Variants in ARHGAP42 observed in about 807,000 individuals in gnomAD.
ARHGAP42 encodes rho GTPase-activating protein 42.
ARHGAP42 carries 63 observed loss-of-function variants against 125.0 expected under a neutral mutation model. The observed-to-expected ratio is 0.50, with a 90% CI of 0.41 to 0.62. ARHGAP42 has a LOEUF of 0.62. Ranked by LOEUF, ARHGAP42 falls within the 20% of genes least tolerant of loss-of-function variation. The probability of loss-of-function intolerance (pLI) is 0.00; values close to 1 mark genes in which losing one functional copy is unlikely to be tolerated. For missense variants in ARHGAP42, 766 were observed against 1,024.2 expected (o/e 0.75, Z 3.44); for synonymous variants, 339 against 351.0 (o/e 0.97, Z 0.38).
intron 4 of ARHGAP42, among the ~76,000 whole-genome samples, chr11:100,890,485 C>T (rs920481715): frequency 1.3e-5 from 2 of 152,042 alleles, no homozygotes; most frequent in South Asian, 2.1e-4. Context: ...CATTCATATT[C>T]GTATTGTACA....
chr11:100,885,947 G>C lies in ARHGAP42; in HGVS notation c.384+26322G>C, dbSNP rs115575230. Among the ~76,000 whole-genome samples, 594 of 152,310 alleles carry C rather than the reference G, an allele frequency of 3.9e-3. 3 individuals are homozygous for C. The highest frequency in any genetic ancestry group is 0.014 in the African/African-American group (568 of 41,564). ...TGTACTGTTTCCCCGTAATTGCATTGTGTCCTAAGCAATTCTTGATGAGGT... is the reference window on the plus strand; with the variant it reads ...TGTACTGTTTCCCCGTAATTGCATTCTGTCCTAAGCAATTCTTGATGAGGT... On this transcript the variant is annotated intron_variant, in intron 4 of 23. Coordinates refer to ENST00000298815, the MANE Select transcript of ARHGAP42 (RefSeq NM_152432.4).
intron 2 of ARHGAP42, among the ~76,000 whole-genome samples, chr11:100,793,349 G>A (rs12793858): frequency 0.49 from 74,764 of 151,892 alleles, 19,391 homozygotes; most frequent in South Asian, 0.63. Context: ...TTGTCAAAAT[G>A]GGAATGTATT....
At chr11:100,740,470 G>C (rs1457899804) in intron 1 of ARHGAP42, among the ~76,000 whole-genome samples, 2 of 152,194 alleles carry the variant, frequency 1.3e-5, no homozygotes, top group Admixed American at 1.3e-4. Flanking sequence ...AAGCTAGTCA[G>C]TCATGGAACT....
intron 3 of ARHGAP42, among the ~76,000 whole-genome samples, chr11:100,816,020 A>G (rs1864258405): frequency 6.6e-6 from 1 of 152,154 alleles, no homozygotes; most frequent in Non-Finnish European, 1.5e-5. Context: ...CATTGTATGT[A>G]TACATTATAT....
At chr11:100,977,359 C>T (rs1422958728) in intron 21 of ARHGAP42, among the ~76,000 whole-genome samples, 1 of 152,194 alleles carries the variant, frequency 6.6e-6, no homozygotes. Context: ...CCCTGCTCTC[C>T]TCACTGTTTT....
At chr11:100,857,084 C>T (rs189756868) in intron 3 of ARHGAP42, among the ~76,000 whole-genome samples, 11 of 152,144 alleles carry the variant, frequency 7.2e-5, no homozygotes, top group Non-Finnish European at 1.2e-4. Flanking sequence ...GTATTTGACG[C>T]ATTAGAAACA....
chr11:100,809,021 T>C (rs1332564122), intron 3 of ARHGAP42, among the ~76,000 whole-genome samples: 2 of 152,152 alleles, frequency 1.3e-5, no homozygotes, highest in African/African-American at 4.8e-5. Context: ...TTGGGGCATC[T>C]CATTTATCTG....
rs1448332040 is a variant in ARHGAP42 at position 100,989,512 on chromosome 11, G to A, written c.*711G>A. On this transcript the variant is annotated 3_prime_UTR_variant, in exon 24 of 24. Transcript: ENST00000298815. ...ATAGCAAATATTTTTGTGGTGGGTT[G>A]AATTTGGCTTATGGGTTATAGTTTG... 1 of 175,094 alleles carries A rather than the reference G, an allele frequency of 5.7e-6. No homozygotes were observed. The highest frequency in any genetic ancestry group is 1.2e-5 in the Non-Finnish European group (1 of 83,476). The allele number at this position is 175,094 out of a possible 1,614,324, so 10.8% of individuals were successfully genotyped here. A position where few individuals can be genotyped will look rare whatever the true frequency, so the allele number is the denominator to read the frequency against.
At chr11:100,981,444 T>C (rs572171121) in intron 22 of ARHGAP42, among the ~76,000 whole-genome samples, 5 of 152,330 alleles carry the variant, frequency 3.3e-5, no homozygotes, top group Non-Finnish European at 4.4e-5. Context: ...TTTTTGTTTT[T>C]TTCCTAAGGA....
intron 3 of ARHGAP42, among the ~76,000 whole-genome samples, chr11:100,799,095 G>T (rs1404758878): frequency 2.0e-5 from 3 of 152,228 alleles, no homozygotes; most frequent in African/African-American, 7.2e-5. Flanking sequence ...GCTACACCTA[G>T]AAGTTTTTGT....
chr11:100,835,377 A>T (rs1291820087), intron 3 of ARHGAP42, among the ~76,000 whole-genome samples: 1 of 152,094 alleles, frequency 6.6e-6, no homozygotes, highest in Non-Finnish European at 1.5e-5. Flanking sequence ...TGACTATAAA[A>T]CTTAAAGTCC....
intron 5 of ARHGAP42, among the ~76,000 whole-genome samples, chr11:100,916,463 C>T (rs1409425854): frequency 1.3e-5 from 2 of 152,078 alleles, no homozygotes; most frequent in African/African-American, 2.4e-5. Context: ...AGAAGGCAAA[C>T]AGGCATTGAC....
chr11:100,864,147 C>G (rs961244407), intron 4 of ARHGAP42, among the ~76,000 whole-genome samples: 2 of 151,712 alleles, frequency 1.3e-5, no homozygotes, highest in Non-Finnish European at 2.9e-5. Context: ...CTACATAGAC[C>G]GGCTGACTCT....
intron 22 of ARHGAP42, among the ~76,000 whole-genome samples, chr11:100,986,815 C>T (rs538565384): frequency 7.3e-5 from 11 of 151,036 alleles, no homozygotes; most frequent in African/African-American, 2.4e-4. Context: ...TGGATCATAT[C>T]TCATATGTAA....
chr11:100,826,086 C>G (rs1864509921), intron 3 of ARHGAP42, among the ~76,000 whole-genome samples: 1 of 151,894 alleles, frequency 6.6e-6, no homozygotes, highest in South Asian at 2.1e-4. Context: ...CTCTCTCTCT[C>G]TTTCCTTCCT....
At chr11:100,870,793 C>T (rs186280512) in intron 4 of ARHGAP42, among the ~76,000 whole-genome samples, 13 of 152,212 alleles carry the variant, frequency 8.5e-5, no homozygotes, top group Admixed American at 2.6e-4. Context: ...TTGTAGTGCT[C>T]ATCATTTGAT....
chr11:100,734,074 A>T (rs1862013687), intron 1 of ARHGAP42, among the ~76,000 whole-genome samples: 1 of 150,130 alleles, frequency 6.7e-6, no homozygotes, highest in Non-Finnish European at 1.5e-5. Flanking sequence ...AGCTGGGATT[A>T]CAGGCACCCA....
chr11:100,827,724 T>C (rs765613692), intron 3 of ARHGAP42, among the ~76,000 whole-genome samples: 9 of 152,284 alleles, frequency 5.9e-5, no homozygotes, highest in Non-Finnish European at 8.8e-5. Context: ...AAGTCTCAAA[T>C]AACCTGTGAA....
At position 100,992,724 on chromosome 11, in the gene ARHGAP42, A is replaced by C. The variant is rs764852263; in HGVS notation, c.*3923A>C. ...TGTGGACTTTTAGAGGATCAAATCA[A>C]TAAATTGGATTTTTTATTTTTTGAG... On this transcript the variant is annotated 3_prime_UTR_variant, in exon 24 of 24. Transcript: ENST00000298815. 2 of 1,532,914 alleles carry C rather than the reference A, an allele frequency of 1.3e-6. No homozygotes were observed. The highest frequency in any genetic ancestry group is 2.6e-5 in the South Asian group (2 of 76,762). The allele number at this position is 1,532,914 out of a possible 1,614,324, so 95.0% of individuals were successfully genotyped here. A position where few individuals can be genotyped will look rare whatever the true frequency, so the allele number is the denominator to read the frequency against.
Sources: gnomAD v4.1 joint callset for allele counts (sites outside exome capture counted in the v4.1 genomes callset) on GRCh38, gnomAD v4.1.1 for gene constraint, MANE v1.5 for transcripts, NCBI Gene and HGNC (gene_info 2026-07-23, HGNC 2026-07-21) for gene names.